Variants in ATAD2B observed in about 807,000 individuals in gnomAD.
ATAD2B encodes ATPase family AAA domain-containing protein 2B.
Under a neutral mutation model 167.6 loss-of-function variants are expected in ATAD2B, and 40 were observed. The ratio of observed to expected loss-of-function variants is 0.24; its 90% CI spans 0.19 to 0.31. ATAD2B has a LOEUF of 0.31. Among genes scored for constraint, ATAD2B ranks in the 10% least tolerant of loss-of-function variants. ATAD2B has a pLI of 1.00. For synonymous variants in ATAD2B, 579 were observed against 596.5 expected (o/e 0.97, Z 0.43); for missense variants, 1,242 against 1,757.2 (o/e 0.71, Z 5.24).
At chr2:23,847,702 T>C (rs1691890707) in intron 13 of ATAD2B, among the ~76,000 whole-genome samples, 1 of 150,418 alleles carries the variant, frequency 6.6e-6, no homozygotes, top group Non-Finnish European at 1.5e-5. Flanking sequence ...AAAATGTGCT[T>C]TCAGCCAGGT....
intron 12 of ATAD2B, 30 bp downstream of exon 12, chr2:23,863,351 A>G (rs747008283): frequency 6.2e-5 from 95 of 1,542,410 alleles, no homozygotes; most frequent in Non-Finnish European, 7.4e-5. Context: ...CAGAACAGAA[A>G]AGACTCTTGA....
the ATAD2B span, chr2:23,696,593 A>C: frequency 1.7e-6 from 2 of 1,147,842 alleles, no homozygotes; most frequent in Non-Finnish European, 2.4e-6. This position sits in a 1 kb window ranked among gnomAD's most constrained non-coding sequence, Gnocchi z 5.5. Context: ...GTACCTCCCA[A>C]CACCCACTCA....
chr2:23,911,600 AG>A (rs1702315097), intron 1 of ATAD2B, among the ~76,000 whole-genome samples: 2 of 137,572 alleles, frequency 1.5e-5, no homozygotes, highest in South Asian at 4.9e-4. Flanking sequence ...GAACAGAGGA[AG>A]GGGACGGGGA....
At chr2:23,836,123 T>C (rs867496088) in intron 13 of ATAD2B, among the ~76,000 whole-genome samples, 2 of 149,702 alleles carry the variant, frequency 1.3e-5, no homozygotes, top group African/African-American at 2.4e-5. Flanking sequence ...ATCCCATGCC[T>C]GCCAGGGGCA....
rs1479309551 is a variant in ATAD2B, at chr2:23,751,073, G to A, written c.*973C>T. On this transcript the variant is annotated 3_prime_UTR_variant, in exon 28 of 28. Coordinates refer to ENST00000238789, the MANE Select transcript of ATAD2B (RefSeq NM_017552.4). Reference sequence around the variant, plus strand: ...ACATATGAAAACCATTTTTCTCTGGGAACTCAAACATGAATAACTATTAAA... The same window carrying A: ...ACATATGAAAACCATTTTTCTCTGGAAACTCAAACATGAATAACTATTAAA... The A allele has an allele frequency of 1.3e-5, 2 of 152,062 alleles. No individual in the cohort carries two copies. Among genetic ancestry groups the A allele is most frequent in the African/African-American group, 4.8e-5 (2 of 41,406 alleles). 9.4% of individuals were successfully genotyped at this position (152,062 alleles called of 1,614,324 possible). A position where few individuals can be genotyped will look rare whatever the true frequency, so the allele number is the denominator to read the frequency against.
chr2:23,733,320 A>T, the ATAD2B span, among the ~76,000 whole-genome samples: 3 of 152,184 alleles, frequency 2.0e-5, no homozygotes, highest in African/African-American at 7.2e-5. Context: ...CATTTTGAAC[A>T]TAAAATCGTC....
the ATAD2B span, chr2:23,693,269 A>G: frequency 1.9e-6 from 3 of 1,541,248 alleles, no homozygotes; most frequent in Non-Finnish European, 1.8e-6. Flanking sequence ...TCGCCCCCAG[A>G]GAAGCAGCTG....
intron 13 of ATAD2B, among the ~76,000 whole-genome samples, chr2:23,851,283 C>T (rs983286846): frequency 6.6e-6 from 1 of 152,006 alleles, no homozygotes; most frequent in Non-Finnish European, 1.5e-5. Flanking sequence ...GTAGCTAGGA[C>T]GAGAGGCACA....
At chr2:23,754,508 T>C (rs1675726451) in intron 26 of ATAD2B, 139 bp downstream of exon 26, 1 of 1,192,854 alleles carries the variant, frequency 8.4e-7, no homozygotes. Flanking sequence ...AAAATACACA[T>C]AACTCTTTTT....
intron 1 of ATAD2B, among the ~76,000 whole-genome samples, chr2:23,924,723 C>A (rs1229745087): frequency 6.6e-6 from 1 of 152,134 alleles, no homozygotes; most frequent in Non-Finnish European, 1.5e-5. Context: ...TTAAAAGGAT[C>A]TTTGAAACAA....
chr2:23,867,462 G>T (rs1035381731), intron 10 of ATAD2B, among the ~76,000 whole-genome samples: 1 of 152,130 alleles, frequency 6.6e-6, no homozygotes. Flanking sequence ...GCAACATCCA[G>T]TCTCCCTAAT....
chr2:23,748,590 A>G (rs1675047407), downstream of ATAD2B: 1 of 152,200 alleles, frequency 6.6e-6, no homozygotes, highest in Non-Finnish European at 1.5e-5. Flanking sequence ...TCTCTCTAAA[A>G]CAGTCTAAAT....
At chr2:23,715,314 C>T in the ATAD2B span, among the ~76,000 whole-genome samples, 1 of 152,166 alleles carries the variant, frequency 6.6e-6, no homozygotes, top group South Asian at 2.1e-4. Flanking sequence ...GTGGCTCACG[C>T]CTGTAATCCC....
At chr2:23,799,587 A>G (rs1312757060) in intron 18 of ATAD2B, among the ~76,000 whole-genome samples, 1 of 146,108 alleles carries the variant, frequency 6.8e-6, no homozygotes, top group African/African-American at 2.7e-5. Flanking sequence ...AAAAAAAAAA[A>G]AAGAAAAGAA....
chr2:23,754,238 G>A lies in ATAD2B; in HGVS notation c.4276C>T (p.Leu1426Phe). Residue 1426 changes from leucine to phenylalanine, a missense_variant, in exon 27 of 28, where the codon CTT becomes TTT. Physicochemically the swap from Leu to Phe is conservative, Grantham distance 22. Transcript: ENST00000238789. ...AVDQLERLYS[L>F]LSQCIYRHRK... The stretch of plus-strand genomic sequence containing the variant: ...TGACGGTAGATACACTGACTAAGAA[G>A]AGAATATAATCTCTCAAGCTGATCA... 4 of 1,564,416 alleles carry A rather than the reference G, an allele frequency of 2.6e-6. No individual in the cohort carries two copies. Among genetic ancestry groups the A allele is most frequent in the Non-Finnish European group, 2.6e-6 (3 of 1,152,910 alleles).
chr2:23,826,143 G>A (rs895572054), intron 15 of ATAD2B, among the ~76,000 whole-genome samples: 2 of 152,058 alleles, frequency 1.3e-5, no homozygotes, highest in African/African-American at 4.8e-5. Flanking sequence ...CAGTGAATCA[G>A]AATCTCTGGG....
At chr2:23,794,792 T>C (rs867423700) in intron 19 of ATAD2B, among the ~76,000 whole-genome samples, 44 of 152,236 alleles carry the variant, frequency 2.9e-4, no homozygotes, top group Middle Eastern at 6.8e-3. Context: ...CATGTATATA[T>C]GGTTTATAGT....
At chr2:23,684,315 A>G in the ATAD2B span, 1 of 1,087,738 alleles carries the variant, frequency 9.2e-7, no homozygotes, top group Admixed American at 3.7e-5. This position sits in a 1 kb window ranked among gnomAD's most constrained non-coding sequence, Gnocchi z 4.4. Context: ...CTACTTCTTG[A>G]AAAAAGAAAA....
At chr2:23,891,527 A>G (rs921249513) in intron 2 of ATAD2B, among the ~76,000 whole-genome samples, 31 of 150,072 alleles carry the variant, frequency 2.1e-4, no homozygotes, top group Admixed American at 2.0e-3. Flanking sequence ...ACAGAGCCTC[A>G]CTCTGTCGCC....
Sources: gnomAD v4.1 joint callset for allele counts (sites outside exome capture counted in the v4.1 genomes callset) on GRCh38, gnomAD v4.1.1 for gene constraint, Gnocchi (gnomAD v3.1) non-coding constraint, MANE v1.5 for transcripts, NCBI Gene and HGNC (gene_info 2026-07-23, HGNC 2026-07-21) for gene names.